The following EMSY variants were observed in gnomAD, a reference collection of about 807,000 sequenced individuals.
EMSY encodes EMSY transcriptional repressor, BRCA2 interacting.
In EMSY, 26 loss-of-function variants were observed where a neutral mutation model predicts 134.6. That is an observed-to-expected ratio of 0.19 (90% CI 0.14 to 0.27). EMSY has a LOEUF of 0.27. Among genes scored for constraint, EMSY ranks in the 10% least tolerant of loss-of-function variants. EMSY has a pLI of 1.00. For missense variants in EMSY, 1,305 were observed against 1,611.4 expected (o/e 0.81, Z 3.26); for synonymous variants, 579 against 577.8 (o/e 1.00, Z -0.03).
intron 9 of EMSY, among the ~76,000 whole-genome samples, chr11:76,512,370 A>G (rs774433096): frequency 1.3e-5 from 2 of 152,072 alleles, no homozygotes; most frequent in African/African-American, 2.4e-5. Context: ...TAGTATATTG[A>G]CTTTGGAAAC....
chr11:76,507,116 A>G (rs1950108184), intron 9 of EMSY, among the ~76,000 whole-genome samples: 1 of 152,224 alleles, frequency 6.6e-6, no homozygotes, highest in Non-Finnish European at 1.5e-5. Flanking sequence ...TTATGTGTGT[A>G]ATTGTATTAT....
intron 20 of EMSY, among the ~76,000 whole-genome samples, chr11:76,547,802 G>C (rs1202477517): frequency 6.6e-6 from 1 of 152,222 alleles, no homozygotes; most frequent in Non-Finnish European, 1.5e-5. Flanking sequence ...AAACAGGAGT[G>C]AAAATGTAAT....
chr11:76,543,063 T>C (rs1473538506), intron 18 of EMSY, among the ~76,000 whole-genome samples: 3 of 152,226 alleles, frequency 2.0e-5, no homozygotes, highest in African/African-American at 7.2e-5. Context: ...AGGAAACTTT[T>C]ATGCTCACTT....
chr11:76,475,015 C>T (rs1346669110), intron 8 of EMSY, among the ~76,000 whole-genome samples: 1 of 152,166 alleles, frequency 6.6e-6, no homozygotes, highest in Non-Finnish European at 1.5e-5. Flanking sequence ...CCTCCCGCTT[C>T]AGCCTACCAA....
At chr11:76,490,170 T>G (rs1164793810) in intron 8 of EMSY, among the ~76,000 whole-genome samples, 2 of 151,802 alleles carry the variant, frequency 1.3e-5, no homozygotes, top group Non-Finnish European at 2.9e-5. Context: ...CTTTTATTTA[T>G]TTATTTTTAT....
chr11:76,545,532 A>G (rs540252292), intron 19 of EMSY, among the ~76,000 whole-genome samples: 1 of 152,288 alleles, frequency 6.6e-6, no homozygotes, highest in South Asian at 2.1e-4. Context: ...CCAAAGGAAA[A>G]CTAGGCTGCT....
intron 8 of EMSY, among the ~76,000 whole-genome samples, chr11:76,481,189 G>A (rs1355605783): frequency 6.6e-6 from 1 of 152,012 alleles, no homozygotes; most frequent in East Asian, 1.9e-4. Context: ...GACTACAGGC[G>A]CCCGCCACCA....
At chr11:76,541,158 G>A (rs908325317) in intron 17 of EMSY, among the ~76,000 whole-genome samples, 4 of 152,160 alleles carry the variant, frequency 2.6e-5, no homozygotes, top group South Asian at 2.1e-4. Flanking sequence ...CCTGGGAGTC[G>A]GAAGTTGCAG....
chr11:76,471,352 C>T (rs1180645685), intron 7 of EMSY, among the ~76,000 whole-genome samples: 1 of 152,112 alleles, frequency 6.6e-6, no homozygotes, highest in African/African-American at 2.4e-5. Flanking sequence ...GATAAGTCTC[C>T]TTTATTCTGA....
intron 8 of EMSY, among the ~76,000 whole-genome samples, chr11:76,487,204 C>T (rs1949223133): frequency 6.6e-6 from 1 of 152,134 alleles, no homozygotes; most frequent in South Asian, 2.1e-4. Flanking sequence ...GGCATGAACC[C>T]GGGAGGCGGA....
At chr11:76,545,986 A>G (rs1951632631) in exon 20 of EMSY, 1 of 1,614,170 alleles carries the variant, frequency 6.2e-7, no homozygotes, top group African/African-American at 1.3e-5. Context: ...AATGTCTTTG[A>G]TGGAAGCTCA....
intron 9 of EMSY, among the ~76,000 whole-genome samples, chr11:76,512,630 T>G (rs1267290616): frequency 2.0e-5 from 3 of 151,932 alleles, no homozygotes; most frequent in Non-Finnish European, 2.9e-5. Context: ...TACACTTTTT[T>G]TTTTTCTAAA....
At chr11:76,472,765 C>T (rs748920929) in exon 8 of EMSY, 16 of 1,614,056 alleles carry the variant, frequency 9.9e-6, no homozygotes, top group Non-Finnish European at 1.4e-5. Context: ...TACACCATCA[C>T]CTATTCCTAA....
intron 6 of EMSY, among the ~76,000 whole-genome samples, chr11:76,462,922 A>G (rs567669224): frequency 1.9e-4 from 29 of 152,366 alleles, no homozygotes; most frequent in African/African-American, 7.0e-4. Context: ...GATTGAGGGT[A>G]GATAGAAGTG....
intron 13 of EMSY, 51 bp downstream of exon 14, chr11:76,526,686 C>T: frequency 6.9e-7 from 1 of 1,441,752 alleles, no homozygotes; most frequent in Non-Finnish European, 9.4e-7. Flanking sequence ...ATTTTCAATT[C>T]TTATAATTCC....
intron 20 of EMSY, among the ~76,000 whole-genome samples, chr11:76,546,526 C>T (rs937150826): frequency 2.0e-5 from 3 of 152,146 alleles, no homozygotes; most frequent in Non-Finnish European, 2.9e-5. Flanking sequence ...TCACCCAGCA[C>T]ACTGTAAAGG....
intron 8 of EMSY, among the ~76,000 whole-genome samples, chr11:76,491,374 G>T (rs1363495987): frequency 6.6e-6 from 1 of 151,900 alleles, no homozygotes; most frequent in South Asian, 2.1e-4. Context: ...TAGAGACAGG[G>T]TCTTGCTATG....
At chr11:76,542,624 T>C (rs1178558703) in intron 18 of EMSY, among the ~76,000 whole-genome samples, 4 of 152,226 alleles carry the variant, frequency 2.6e-5, no homozygotes, top group Non-Finnish European at 5.9e-5. Flanking sequence ...GACATCAGAA[T>C]TGGTCACTGT....
chr11:76,461,514 T>C (rs1002697576), intron 6 of EMSY, among the ~76,000 whole-genome samples: 5 of 152,266 alleles, frequency 3.3e-5, no homozygotes, highest in Admixed American at 1.3e-4. Flanking sequence ...GTTGAGGCTT[T>C]AGTTCATAAA....
Sources: allele counts gnomAD v4.1 joint callset (sites outside exome capture counted in the v4.1 genomes callset), GRCh38; gene constraint gnomAD v4.1.1; transcripts MANE v1.5; gene names NCBI Gene and HGNC (gene_info 2026-07-23, HGNC 2026-07-21).